DEGS1: variants seen among roughly 807,000 people sequenced by gnomAD.
The protein encoded by DEGS1 is sphingolipid delta(4)-desaturase DES1.
DEGS1 carries 17 observed loss-of-function variants against 24.1 expected under a neutral mutation model. The observed-to-expected ratio is 0.70, with a 90% CI of 0.48 to 1.06. The LOEUF (loss-of-function observed/expected upper bound fraction) is 1.06, where lower values mean the gene tolerates loss of function less well. Ranked by LOEUF, DEGS1 falls within the 50% of genes least tolerant of loss-of-function variation. DEGS1 has a pLI of 0.00. For missense variants in DEGS1, 366 were observed against 408.9 expected, an observed-to-expected ratio of 0.90 and a Z score of 0.91; for synonymous variants, 134 against 140.0, an observed-to-expected ratio of 0.96 and a Z score of 0.30.
chr1:224,188,028 C>T (rs1368150521), intron 1 of DEGS1, among the ~76,000 whole-genome samples: 1 of 151,244 alleles, frequency 6.6e-6, no homozygotes. Context: ...TTCCTGGGCT[C>T]AAGTGATCCT....
rs1658278071 is a variant in DEGS1 at position 224,183,246 on chromosome 1, C to G, written c.-91C>G. The G allele has an allele frequency of 3.3e-6, 4 of 1,225,452 alleles. No individual in the cohort carries two copies. The highest frequency in any genetic ancestry group is 3.2e-5 in the East Asian group (1 of 31,148). The allele number at this position is 1,225,452 out of a possible 1,614,324, so 75.9% of individuals were successfully genotyped here. On this transcript the variant is annotated 5_prime_UTR_variant, in exon 1 of 3. Transcript: ENST00000323699. ...TCCGCCACAGCCGGCCGACACCACA[C>G]CAGCCGGGGAGCCGCCGCCGCCGCC...
Position 224,192,557 on chromosome 1 carries a change from C to T in DEGS1, c.*79C>T, listed in dbSNP as rs1658570192. 3 of 1,368,572 alleles carry T rather than the reference C, an allele frequency of 2.2e-6. No individual in the cohort carries two copies. The highest frequency in any genetic ancestry group is 4.9e-5 in the Admixed American group (2 of 41,092). 84.8% of individuals were successfully genotyped at this position (1,368,572 alleles called of 1,614,324 possible). ...ATTTTTGCATTATTAAACTTGAGAC[C>T]AGTGATGCTCAGAAGCTCCCCTGGC... On this transcript the variant is annotated 3_prime_UTR_variant, in exon 3 of 3. Coordinates refer to ENST00000323699, the MANE Select transcript of DEGS1 (RefSeq NM_003676.4).
At chr1:224,188,599 G>T (rs531811866) in intron 1 of DEGS1, among the ~76,000 whole-genome samples, 2 of 152,122 alleles carry the variant, frequency 1.3e-5, no homozygotes, top group African/African-American at 4.8e-5. Flanking sequence ...AATGACTAAC[G>T]GTGTTGAGCC....
chr1:224,193,360 T>C lies in DEGS1; in HGVS notation c.*882T>C, dbSNP rs1373255880. The C allele has an allele frequency of 1.3e-5, 2 of 152,234 alleles. No homozygotes were observed. Among genetic ancestry groups the C allele is most frequent in the Non-Finnish European group, 2.9e-5 (2 of 68,026 alleles). 9.4% of individuals were successfully genotyped at this position (152,234 alleles called of 1,614,324 possible). A position where few individuals can be genotyped will look rare whatever the true frequency, so the allele number is the denominator to read the frequency against. On this transcript the variant is annotated 3_prime_UTR_variant, in exon 3 of 3. Transcript: ENST00000323699. ...ACTCATTTAAAAATTTTAACTTCTATATGGGACCCGAATTAGACACTGCTG... is the reference window on the plus strand; with the variant it reads ...ACTCATTTAAAAATTTTAACTTCTACATGGGACCCGAATTAGACACTGCTG...
chr1:224,189,677 A>C lies in DEGS1; in HGVS notation c.183A>C (p.Val61=), dbSNP rs372650988. 72 of 1,614,064 alleles carry C rather than the reference A, an allele frequency of 4.5e-5. No homozygotes were observed. Among genetic ancestry groups the C allele is most frequent in the Non-Finnish European group, 5.8e-5 (68 of 1,180,044 alleles). The change falls in exon 2 of 3, where the codon GTA becomes GTC. Residue 61 remains valine, a synonymous_variant. Transcript: ENST00000323699. ...CCCAGTTGGGTGCATTTTACATAGTAAAAGACTTGGACTGGAAATGGGTCA... is the reference window on the plus strand; with the variant it reads ...CCCAGTTGGGTGCATTTTACATAGTCAAAGACTTGGACTGGAAATGGGTCA... ...VLTQLGAFYI[V]KDLDWKWVIF...
chr1:224,191,994 G>C (rs1343685558), intron 2 of DEGS1, among the ~76,000 whole-genome samples: 2 of 152,114 alleles, frequency 1.3e-5, no homozygotes, highest in Non-Finnish European at 2.9e-5. Context: ...ATTCTATGGC[G>C]TCATCCATGC....
chr1:224,188,575 G>GTTTGCACTTTCCTAATGACT (rs1658452896), intron 1 of DEGS1, among the ~76,000 whole-genome samples: 2 of 152,094 alleles, frequency 1.3e-5, no homozygotes, highest in Non-Finnish European at 2.9e-5. Flanking sequence ...TATGGTTTCA[G>GTTTGCACTTTCCTAATGACT]TTTGCACTTT....
intron 1 of DEGS1, among the ~76,000 whole-genome samples, chr1:224,188,376 C>A (rs934761984): frequency 6.6e-5 from 10 of 152,094 alleles, no homozygotes; most frequent in African/African-American, 2.4e-4. Flanking sequence ...CTTTTTCTGG[C>A]TGAATAATAT....
chr1:224,190,358 T>C, intron 2 of DEGS1, 39 bp downstream of exon 2: 1 of 1,443,042 alleles, frequency 6.9e-7, no homozygotes, highest in South Asian at 1.7e-5. Context: ...ATTTTGTTTT[T>C]TCATTTGTTT....
At chr1:224,186,699 T>TGAG in intron 1 of DEGS1, among the ~76,000 whole-genome samples, 1 of 117,228 alleles carries the variant, frequency 8.5e-6, no homozygotes, top group African/African-American at 3.4e-5. Flanking sequence ...GGCGACAGAG[T>TGAG]GAGCCTCCGT....
intron 2 of DEGS1, 63 bp downstream of exon 2, chr1:224,190,382 G>C: frequency 2.2e-6 from 3 of 1,387,314 alleles, no homozygotes; most frequent in Non-Finnish European, 2.9e-6. Context: ...TTTTGAGACG[G>C]TGTCTCACTC....
At position 224,189,938 on chromosome 1, in the gene DEGS1, T is replaced by G; in HGVS notation, c.444T>G (p.Phe148Leu). 1 of 1,614,232 alleles carries G rather than the reference T, an allele frequency of 6.2e-7. No individual in the cohort carries two copies. The highest frequency in any genetic ancestry group is 8.5e-7 in the Non-Finnish European group (1 of 1,180,044). ...TCGATGTAGATATTCCTACCGATTT[T>G]GAGGGCTGGTTCTTCTGTACCGCTT... ...DGVDVDIPTD[F>L]EGWFFCTAFR... is the part of the protein sequence containing the mutation. Residue 148 changes from phenylalanine (F) to leucine (L), a missense_variant, in exon 2 of 3, where the codon TTT becomes TTG. Phe to Leu is a conservative substitution (Grantham distance 22). Coordinates refer to ENST00000323699, the MANE Select transcript of DEGS1 (RefSeq NM_003676.4).
Position 224,188,637 on chromosome 1 carries a change from G to T in DEGS1, c.83-940G>T, listed in dbSNP as rs543529942. Among the ~76,000 whole-genome samples the T allele has an allele frequency of 3.9e-5, 6 of 152,176 alleles. No homozygotes were observed. The South Asian group carries it at 1.2e-3, about 32-fold the overall frequency. The stretch of plus-strand genomic sequence containing the variant: ...TTTCATGTGTTTCTTGACTGTTTCC[G>T]TATCTTTTGGAGAAAAGTGGGTTCA... On this transcript the variant is annotated intron_variant, in intron 1 of 2. Transcript: ENST00000323699.
intron 2 of DEGS1, among the ~76,000 whole-genome samples, chr1:224,192,020 A>G (rs182240015): frequency 6.6e-6 from 1 of 152,288 alleles, no homozygotes; most frequent in Admixed American, 6.5e-5. Flanking sequence ...ATTCTTTAAT[A>G]ATATCAAGTT....
At position 224,183,243 on chromosome 1, in the gene DEGS1, A is replaced by T; in HGVS notation, c.-94A>T. On this transcript the variant is annotated 5_prime_UTR_variant, in exon 1 of 3. Coordinates refer to ENST00000323699, the MANE Select transcript of DEGS1 (RefSeq NM_003676.4). ...CGCTCCGCCACAGCCGGCCGACACC[A>T]CACCAGCCGGGGAGCCGCCGCCGCC... The T allele has an allele frequency of 8.4e-7, 1 of 1,185,174 alleles. No homozygotes were observed. The highest frequency in any genetic ancestry group is 1.1e-6 in the Non-Finnish European group (1 of 872,630). 73.4% of individuals were successfully genotyped at this position (1,185,174 alleles called of 1,614,324 possible).
At position 224,185,554 on chromosome 1, in the gene DEGS1, C is replaced by CA. The variant is rs1455263040; in HGVS notation, c.82+2137dup. ...GCACTCTGTCACCCAGGCTGGAGTG[C>CA]AGTGGCCCAGTCTCGGCTCACTGCA... On this transcript the variant is annotated intron_variant, in intron 1 of 2. Coordinates refer to ENST00000323699, the MANE Select transcript of DEGS1 (RefSeq NM_003676.4). 3.3e-5 allele frequency among the ~76,000 whole-genome samples: 5 copies of CA among 152,226 alleles called. No homozygotes were observed. In the East Asian group the frequency reaches 9.6e-4, roughly 29 times the overall value.
In DEGS1 at chr1:224,183,393, C is replaced by A; in HGVS notation, c.57C>A (p.His19Gln). The change falls in exon 1 of 3, where the codon CAC becomes CAA. Residue 19 changes from histidine (H) to glutamine (Q), a missense_variant. Transcript: ENST00000323699. ...AGTGGGTCTACACCGACCAGCCGCA[C>A]GCCGACCGGCGCCGGGAGATCCTGG... ...DFEWVYTDQP[H>Q]ADRRREILAK... 1 of 1,431,390 alleles carries A rather than the reference C, an allele frequency of 7.0e-7. No homozygotes were observed. Among genetic ancestry groups the A allele is most frequent in the Non-Finnish European group, 9.2e-7 (1 of 1,082,766 alleles). The allele number at this position is 1,431,390 out of a possible 1,614,324, so 88.7% of individuals were successfully genotyped here.
chr1:224,190,600 A>T (rs994144118), intron 2 of DEGS1, among the ~76,000 whole-genome samples: 35 of 134,632 alleles, frequency 2.6e-4, no homozygotes, highest in Admixed American at 1.5e-3. Context: ...GCAGTTCATT[A>T]AAAAAAAAAA....
At position 224,192,505 on chromosome 1, in the gene DEGS1, CTCCAA is replaced by C. The variant is rs1558211183; in HGVS notation, c.*28_*32del. The C allele has an allele frequency of 2.5e-6, 4 of 1,590,616 alleles. 1 individual carries two copies. In the South Asian group the frequency reaches 4.6e-5, roughly 18 times the overall value. On this transcript the variant is annotated 3_prime_UTR_variant, in exon 3 of 3. Coordinates refer to ENST00000323699, the MANE Select transcript of DEGS1 (RefSeq NM_003676.4). ...TATCATTAGTGCCAAAGGGATTCTT[CTCCAA>C]AACTTTAGATGATAAAATGGAATTT...
Sources: gnomAD v4.1 joint callset for allele counts (sites outside exome capture counted in the v4.1 genomes callset) on GRCh38, gnomAD v4.1.1 for gene constraint, MANE v1.5 for transcripts, NCBI Gene and HGNC (gene_info 2026-07-23, HGNC 2026-07-21) for gene names.